The following TSC22D1 variants were observed in gnomAD, a reference collection of about 807,000 sequenced individuals.
TSC22D1 encodes TSC22 domain family member 1.
Under a neutral mutation model 74.2 loss-of-function variants are expected in TSC22D1, and 9 were observed. The observed-to-expected ratio is 0.12, with a 90% CI of 0.07 to 0.21. TSC22D1 has a LOEUF of 0.21. Ranked by LOEUF, TSC22D1 falls within the 10% of genes least tolerant of loss-of-function variation. The probability of loss-of-function intolerance (pLI) is 1.00; values close to 1 mark genes in which losing one functional copy is unlikely to be tolerated. For synonymous variants in TSC22D1, 586 were observed against 492.5 expected (o/e 1.19, Z -2.51); for missense variants, 1,427 against 1,304.7 (o/e 1.09, Z -1.44).
In TSC22D1 at chr13:44,575,860, G is replaced by A; in HGVS notation, c.215C>T (p.Ser72Phe). Residue 72 changes from serine (S) to phenylalanine (F), a missense_variant, in exon 1 of 3, where the codon TCT becomes TTT. Ser to Phe is a radical substitution (Grantham distance 155). Transcript: ENST00000458659. ...CGGAGGCTGTGGTCCCGACGTAGAA[G>A]ATGCTGCAGGGGGCGGCGGCTGAAG... ...SLLQPPPPAA[S>F]STSGPQPPPP... is the part of the protein sequence containing the mutation. The A allele has an allele frequency of 1.9e-6, 3 of 1,614,070 alleles. No individual in the cohort carries two copies. The highest frequency in any genetic ancestry group is 2.2e-5 in the South Asian group (2 of 91,080).
chr13:44,530,503 C>T lies in TSC22D1; in HGVS notation c.2912+42660G>A, dbSNP rs1280920219. 2.6e-5 allele frequency among the ~76,000 whole-genome samples: 4 copies of T among 151,866 alleles called. 1 individual carries two copies. Among genetic ancestry groups the T allele is most frequent in the Admixed American group, 2.6e-4 (4 of 15,254 alleles). On this transcript the variant is annotated intron_variant, in intron 1 of 2. Transcript: ENST00000458659. ...AGGTGGCCTTAAATTTTTAGATACA[C>T]CACCAAAATCATGACCCAGTAAAGG...
rs1320176003 is a variant in TSC22D1, at chr13:44,434,150, G to A, written c.*476C>T. 2.0e-6 allele frequency: 3 copies of A among 1,485,762 alleles called. No individual in the cohort carries two copies. The highest frequency in any genetic ancestry group is 2.6e-5 in the East Asian group (1 of 38,668). 92.0% of individuals were successfully genotyped at this position (1,485,762 alleles called of 1,614,324 possible). ...TTGTCAAATTTGTACAGTGAACTCT[G>A]TTCCCCCTCATTTTAGTCTTTTTAC... On this transcript the variant is annotated 3_prime_UTR_variant, in exon 3 of 3. Transcript: ENST00000458659.
At chr13:44,447,688 C>G (rs895941055) in intron 1 of TSC22D1, among the ~76,000 whole-genome samples, 3 of 151,618 alleles carry the variant, frequency 2.0e-5, no homozygotes, top group African/African-American at 7.3e-5. Context: ...CTGTATTTTT[C>G]TCTCTCTAAA....
Position 44,434,035 on chromosome 13 carries a change from A to G in TSC22D1, c.*591T>C, listed in dbSNP as rs534080675. ...ATAGCCTAGGTCCCAGCTACCTGTC[A>G]CCATTTTGTCACTCTCATAGTTTTG... On this transcript the variant is annotated 3_prime_UTR_variant, in exon 3 of 3. Transcript: ENST00000458659. 13 of 1,533,994 alleles carry G rather than the reference A, an allele frequency of 8.5e-6. No homozygotes were observed. In the African/African-American group the frequency reaches 1.6e-4, roughly 19 times the overall value.
At chr13:44,511,319 A>G (rs1396882808) in intron 1 of TSC22D1, among the ~76,000 whole-genome samples, 1 of 152,068 alleles carries the variant, frequency 6.6e-6, no homozygotes, top group Non-Finnish European at 1.5e-5. Context: ...AACAACATAA[A>G]CAAAAACCTT....
chr13:44,490,363 T>G (rs1278758493), intron 1 of TSC22D1, among the ~76,000 whole-genome samples: 11 of 151,824 alleles, frequency 7.2e-5, no homozygotes, highest in Non-Finnish European at 1.5e-4. Flanking sequence ...GCTAAGTTTT[T>G]TTTTTTTTTT....
intron 1 of TSC22D1, among the ~76,000 whole-genome samples, chr13:44,498,100 CA>C (rs111304299): frequency 7.5e-4 from 103 of 137,884 alleles, no homozygotes; most frequent in African/African-American, 1.5e-3. Context: ...AAAAAAAAAC[CA>C]AAAAAAAAAA....
intron 1 of TSC22D1, among the ~76,000 whole-genome samples, chr13:44,483,275 G>A (rs1878267396): frequency 6.6e-6 from 1 of 152,214 alleles, no homozygotes; most frequent in African/African-American, 2.4e-5. Context: ...TTAAAACAAG[G>A]ATGCTTTGTA....
chr13:44,562,220 T>C (rs987396814), intron 1 of TSC22D1, among the ~76,000 whole-genome samples: 4 of 152,128 alleles, frequency 2.6e-5, no homozygotes, highest in African/African-American at 9.7e-5. Flanking sequence ...TTCTGTATTT[T>C]TTTTGTAGAG....
chr13:44,575,397 A>C lies in TSC22D1; in HGVS notation c.678T>G (p.Ile226Met). Reference sequence around the variant, plus strand: ...CATGTTGGAGGTGGTGCCCATGATGAATCTGATGGTGGTGATGGAGGTGGT... The same window carrying C: ...CATGTTGGAGGTGGTGCCCATGATGCATCTGATGGTGGTGATGGAGGTGGT... ...HPHHLHHHHQ[I>M]HHGHHLQHGH... is the part of the protein sequence containing the mutation. Residue 226 changes from isoleucine to methionine, a missense_variant, in exon 1 of 3, where the codon ATT (isoleucine) becomes ATG (methionine). By Grantham distance (10) the Ile-to-Met change is conservative. Around this residue, in one of 3 missense-constraint regions of TSC22D1, gnomAD observed 1,343 missense variants for 1,191.5 expected, o/e 1.13. Coordinates refer to ENST00000458659, the MANE Select transcript of TSC22D1 (RefSeq NM_183422.4). 1 of 1,613,886 alleles carries C rather than the reference A, an allele frequency of 6.2e-7. No individual in the cohort carries two copies. Among genetic ancestry groups the C allele is most frequent in the South Asian group, 1.1e-5 (1 of 91,050 alleles).
intron 1 of TSC22D1, among the ~76,000 whole-genome samples, chr13:44,511,741 T>G (rs895863327): frequency 3.9e-5 from 6 of 152,164 alleles, no homozygotes; most frequent in African/African-American, 1.4e-4. Flanking sequence ...TTTTTTTAAA[T>G]GCTGCCACCA....
intron 1 of TSC22D1, among the ~76,000 whole-genome samples, chr13:44,443,834 T>C (rs1875399285): frequency 6.6e-6 from 1 of 152,150 alleles, no homozygotes; most frequent in African/African-American, 2.4e-5. Context: ...AAGTTAAAGA[T>C]GTATGCTATA....
At chr13:44,567,594 T>C (rs934919028) in intron 1 of TSC22D1, among the ~76,000 whole-genome samples, 9 of 151,340 alleles carry the variant, frequency 5.9e-5, no homozygotes, top group Non-Finnish European at 1.2e-4. Context: ...TAGTATACTA[T>C]TAAAAAGGAG....
At chr13:44,555,118 T>TA (rs58167299) in intron 1 of TSC22D1, among the ~76,000 whole-genome samples, 6,173 of 138,704 alleles carry the variant, frequency 0.045, 249 homozygotes, top group African/African-American at 0.11. Flanking sequence ...ACCTCTAAAT[T>TA]AAAAAAAAAA....
chr13:44,467,095 G>A (rs919066474), intron 1 of TSC22D1, among the ~76,000 whole-genome samples: 5 of 151,898 alleles, frequency 3.3e-5, no homozygotes, highest in African/African-American at 4.8e-5. Flanking sequence ...ACGGGAGGTG[G>A]AGGTTGCAGT....
intron 1 of TSC22D1, among the ~76,000 whole-genome samples, chr13:44,494,280 G>A (rs1340201803): frequency 6.8e-6 from 1 of 146,388 alleles, no homozygotes; most frequent in Non-Finnish European, 1.5e-5. Context: ...GGAGGCTGAG[G>A]CAGGAGAATC....
chr13:44,476,207 TTAAG>T (rs1383281123), intron 1 of TSC22D1, among the ~76,000 whole-genome samples: 2 of 152,180 alleles, frequency 1.3e-5, no homozygotes, highest in Non-Finnish European at 2.9e-5. Context: ...TATACATAAA[TTAAG>T]TATTACTCCC....
At chr13:44,565,874 C>T (rs1390253073) in intron 1 of TSC22D1, among the ~76,000 whole-genome samples, 1 of 152,078 alleles carries the variant, frequency 6.6e-6, no homozygotes, top group Non-Finnish European at 1.5e-5. Context: ...ATAAAATTTA[C>T]ATGTTTTGTA....
chr13:44,542,051 A>C (rs970481344), intron 1 of TSC22D1, among the ~76,000 whole-genome samples: 1 of 152,124 alleles, frequency 6.6e-6, no homozygotes, highest in Non-Finnish European at 1.5e-5. Flanking sequence ...AAATTAATGA[A>C]ATCTAAGTAA....
Sources: gnomAD v4.1 joint callset for allele counts (sites outside exome capture counted in the v4.1 genomes callset) on GRCh38, gnomAD v4.1.1 for gene constraint, gnomAD v4.1.1 regional missense constraint, MANE v1.5 for transcripts, NCBI Gene and HGNC (gene_info 2026-07-23, HGNC 2026-07-21) for gene names.